Variants in RMST observed in about 807,000 individuals in gnomAD.
RMST encodes rhabdomyosarcoma 2 associated transcript.
chr12:97,526,706 T>C, intron 10 of RMST, among the ~76,000 whole-genome samples: 1 of 152,174 alleles, frequency 6.6e-6, no homozygotes, highest in Non-Finnish European at 1.5e-5. Flanking sequence ...AAGCTATTTA[T>C]TACTATTATT....
At chr12:97,503,352 T>C (rs1286487122) in intron 10 of RMST, among the ~76,000 whole-genome samples, 5 of 152,016 alleles carry the variant, frequency 3.3e-5, no homozygotes, top group African/African-American at 7.3e-5. Flanking sequence ...TTTGACCACA[T>C]GGAGACTTTA....
At chr12:97,517,833 C>A (rs1304003171) in intron 10 of RMST, among the ~76,000 whole-genome samples, 1 of 152,010 alleles carries the variant, frequency 6.6e-6, no homozygotes, top group Non-Finnish European at 1.5e-5. Context: ...AGACTATAGT[C>A]ACTTTTTTAT....
chr12:97,496,735 A>G (rs1877465259), intron 10 of RMST, among the ~76,000 whole-genome samples: 1 of 152,138 alleles, frequency 6.6e-6, no homozygotes, highest in Non-Finnish European at 1.5e-5. Flanking sequence ...GAGGAAAAAC[A>G]TTAGCCCTGC....
chr12:97,465,806 C>T (rs2136373149), intron 5 of RMST: 1 of 152,100 alleles, frequency 6.6e-6, no homozygotes, highest in East Asian at 1.9e-4. Flanking sequence ...GAAAACTGCT[C>T]TCTAATTATA....
intron 10 of RMST, among the ~76,000 whole-genome samples, chr12:97,508,267 A>G (rs1449084063): frequency 2.0e-5 from 3 of 152,196 alleles, no homozygotes; most frequent in Admixed American, 2.0e-4. Context: ...TTAGAAGGGA[A>G]AGATGTTTAT....
At chr12:97,485,335 A>G (rs1309791311) in intron 5 of RMST, among the ~76,000 whole-genome samples, 1 of 152,172 alleles carries the variant, frequency 6.6e-6, no homozygotes, top group East Asian at 1.9e-4. Context: ...TGTCTACTCT[A>G]TATGCAGTTT....
intron 5 of RMST, among the ~76,000 whole-genome samples, chr12:97,473,741 A>G (rs77772444): frequency 1.3e-3 from 199 of 152,256 alleles, no homozygotes; most frequent in African/African-American, 4.5e-3. Flanking sequence ...CTCGCTTTCT[A>G]TCTCAAATAG....
At chr12:97,561,121 A>G (rs1026544156) in intron 13 of RMST, 1 of 152,238 alleles carries the variant, frequency 6.6e-6, no homozygotes, top group African/African-American at 2.4e-5. Context: ...AATGACTATC[A>G]TACATGTATT....
intron 10 of RMST, among the ~76,000 whole-genome samples, chr12:97,522,243 T>C (rs1177671545): frequency 4.6e-5 from 7 of 152,260 alleles, no homozygotes; most frequent in Non-Finnish European, 1.5e-5. Context: ...AATTGCTCCA[T>C]GTGCATTTCC....
At chr12:97,540,334 G>A (rs1565935618) in intron 11 of RMST, among the ~76,000 whole-genome samples, 1 of 151,740 alleles carries the variant, frequency 6.6e-6, no homozygotes, top group Non-Finnish European at 1.5e-5. Context: ...TGGCCCAGGG[G>A]CCATAAGCCC....
Position 97,489,429 on chromosome 12 carries a change from A to G in RMST, n.645-3032A>G, listed in dbSNP as rs575535783. 2.7e-3 allele frequency among the ~76,000 whole-genome samples: 410 copies of G among 151,916 alleles called. 4 individuals carry two copies. Among genetic ancestry groups the G allele is most frequent in the African/African-American group, 9.6e-3 (398 of 41,410 alleles). On this transcript the variant is annotated intron_variant and non_coding_transcript_variant, in intron 5 of 13. Transcript: ENST00000640149. The stretch of plus-strand genomic sequence containing the variant: ...GCCACTGCACTCCAGCCTGGATGAC[A>G]TAGAGAGTCCCTGTCTCAAGAAAAA...
At chr12:97,524,552 C>T (rs775088631) in intron 10 of RMST, among the ~76,000 whole-genome samples, 21 of 152,100 alleles carry the variant, frequency 1.4e-4, no homozygotes, top group Non-Finnish European at 2.2e-4. Context: ...CAGGTGTTTC[C>T]AAGTGTTAGC....
At chr12:97,558,169 C>G (rs972690209) in intron 11 of RMST, among the ~76,000 whole-genome samples, 20 of 151,988 alleles carry the variant, frequency 1.3e-4, no homozygotes, top group African/African-American at 4.8e-4. Flanking sequence ...GAAATGTGGC[C>G]AGGTTGTTAA....
chr12:97,485,394 A>T (rs1480068525), intron 5 of RMST, among the ~76,000 whole-genome samples: 1 of 152,206 alleles, frequency 6.6e-6, no homozygotes, highest in Non-Finnish European at 1.5e-5. Context: ...TTACCTGTAC[A>T]TATGATAGAT....
At chr12:97,533,152 G>A (rs1489134919) in intron 11 of RMST, 2 of 151,714 alleles carry the variant, frequency 1.3e-5, no homozygotes, top group African/African-American at 4.8e-5. Flanking sequence ...AAGCACTACT[G>A]CCTGCATTCG....
At chr12:97,517,368 T>C (rs1441422204) in intron 10 of RMST, among the ~76,000 whole-genome samples, 1 of 151,936 alleles carries the variant, frequency 6.6e-6, no homozygotes, top group East Asian at 1.9e-4. Context: ...TATTAAGTTA[T>C]AGAAGAGTTT....
chr12:97,507,259 T>G (rs1047652231), intron 10 of RMST, among the ~76,000 whole-genome samples: 3 of 143,750 alleles, frequency 2.1e-5, no homozygotes, highest in African/African-American at 8.5e-5. Flanking sequence ...TTGTTATTGT[T>G]TTTTTTTTGT....
chr12:97,503,442 A>AT (rs143995990), intron 10 of RMST, among the ~76,000 whole-genome samples: 3,211 of 149,936 alleles, frequency 0.021, 72 homozygotes, highest in East Asian at 0.078. Context: ...ATTATTGTTT[A>AT]TTTTTTTTAA....
At chr12:97,509,837 T>A (rs963194241) in intron 10 of RMST, among the ~76,000 whole-genome samples, 2 of 151,908 alleles carry the variant, frequency 1.3e-5, no homozygotes, top group Non-Finnish European at 2.9e-5. Context: ...GTGATAGGCA[T>A]TTTTTTGGGT....
Sources: gnomAD v4.1 joint callset for allele counts (sites outside exome capture counted in the v4.1 genomes callset) on GRCh38, gnomAD v4.1.1 for gene constraint, MANE v1.5 for transcripts, NCBI Gene and HGNC (gene_info 2026-07-23, HGNC 2026-07-21) for gene names.